The following RIMS1 variants were observed in gnomAD, a reference collection of about 807,000 sequenced individuals.
RIMS1 encodes regulating synaptic membrane exocytosis 1, also known as regulating synaptic membrane exocytosis protein 1.
In RIMS1, 83 loss-of-function variants were observed where a neutral mutation model predicts 214.1. That is an observed-to-expected ratio of 0.39 (90% CI 0.32 to 0.47). The LOEUF (loss-of-function observed/expected upper bound fraction) is 0.47. RIMS1 is among the 20% of genes least tolerant of loss of function. The pLI, the probability that RIMS1 is intolerant of heterozygous loss-of-function variation, is 0.99. For missense variants in RIMS1, 2,050 were observed against 2,161.8 expected (o/e 0.95, Z 1.03); for synonymous variants, 793 against 786.8 (o/e 1.01, Z -0.13).
chr6:71,957,136 G>A (rs1463803399), intron 1 of RIMS1, among the ~76,000 whole-genome samples: 1 of 151,642 alleles, frequency 6.6e-6, no homozygotes, highest in East Asian at 2.0e-4. Flanking sequence ...TTTTAAGAAA[G>A]TTATTAACCA....
intron 4 of RIMS1, among the ~76,000 whole-genome samples, chr6:72,150,831 C>T (rs2043454008): frequency 6.6e-6 from 1 of 152,106 alleles, no homozygotes; most frequent in African/African-American, 2.4e-5. Flanking sequence ...GACATCTGCT[C>T]TAAGGTGAAG....
chr6:71,995,451 C>CATGT (rs1803094805), intron 2 of RIMS1, among the ~76,000 whole-genome samples: 1 of 144,400 alleles, frequency 6.9e-6, no homozygotes, highest in African/African-American at 2.6e-5. Context: ...TGTAATATGA[C>CATGT]GTGTGTGTGT....
intron 12 of RIMS1, among the ~76,000 whole-genome samples, chr6:72,249,419 T>G (rs1250200532): frequency 6.6e-6 from 1 of 152,176 alleles, no homozygotes; most frequent in Non-Finnish European, 1.5e-5. Flanking sequence ...TCTTGTAGTT[T>G]GAAGATGTCA....
chr6:72,292,985 G>T (rs1012970978), intron 26 of RIMS1, among the ~76,000 whole-genome samples: 1 of 151,972 alleles, frequency 6.6e-6, no homozygotes, highest in African/African-American at 2.4e-5. Flanking sequence ...GGGTACGGGG[G>T]TACATGTTTT....
intron 29 of RIMS1, among the ~76,000 whole-genome samples, chr6:72,345,489 G>C (rs1332350016): frequency 6.6e-6 from 1 of 151,642 alleles, no homozygotes; most frequent in Non-Finnish European, 1.5e-5. Flanking sequence ...CATTTTACAG[G>C]TTCCATGACT....
At chr6:72,044,076 A>C (rs556878089) in intron 2 of RIMS1, among the ~76,000 whole-genome samples, 8 of 151,698 alleles carry the variant, frequency 5.3e-5, no homozygotes, top group Non-Finnish European at 1.0e-4. Flanking sequence ...GAAATCAGTA[A>C]ATGTTTAAAA....
intron 31 of RIMS1, among the ~76,000 whole-genome samples, chr6:72,393,927 GC>G (rs1269773035): frequency 1.3e-5 from 2 of 151,648 alleles, no homozygotes; most frequent in East Asian, 3.9e-4. Context: ...CCCAAGCAAG[GC>G]CTCAAATCAT....
chr6:72,182,814 G>A lies in RIMS1; in HGVS notation c.1343G>A (p.Ser448Asn). The A allele has an allele frequency of 6.5e-7, 1 of 1,548,644 alleles. No individual in the cohort carries two copies. Residue 448 changes from serine (S) to asparagine (N), a missense_variant, in exon 6 of 34, where the codon AGC becomes AAC. Around this residue, in one of 6 missense-constraint regions of RIMS1, gnomAD observed 882 missense variants for 828.9 expected, o/e 1.06. Coordinates refer to ENST00000521978, the MANE Select transcript of RIMS1 (RefSeq NM_014989.7). ...GGCGCCAAGCAGCTAACGAACCACA[G>A]CCCGCCGGCGCCCAGACATGGGCCG... ...APGAKQLTNH[S>N]PPAPRHGPVP...
chr6:71,942,875 A>G (rs1433469292), intron 1 of RIMS1, among the ~76,000 whole-genome samples: 1 of 152,060 alleles, frequency 6.6e-6, no homozygotes. Context: ...TAAGTGAAAA[A>G]TGTGTACAAA....
intron 28 of RIMS1, chr6:72,316,555 G>A: frequency 2.6e-6 from 1 of 389,214 alleles, no homozygotes. Flanking sequence ...AGAAGCTGGG[G>A]ATGGGAGGTG....
At chr6:72,004,585 C>G (rs1044383154) in intron 2 of RIMS1, among the ~76,000 whole-genome samples, 45 of 152,088 alleles carry the variant, frequency 3.0e-4, no homozygotes, top group African/African-American at 9.6e-4. Flanking sequence ...GATGGTATCT[C>G]ATTGTGGTTT....
rs757736918 is a variant in RIMS1, at chr6:72,217,256, A to G, written c.1679-16517A>G. The G allele has an allele frequency of 3.3e-6, 5 of 1,520,864 alleles. No homozygotes were observed. In the African/African-American group the frequency reaches 5.5e-5, roughly 17 times the overall value. The allele number at this position is 1,520,864 out of a possible 1,614,324, so 94.2% of individuals were successfully genotyped here. A position where few individuals can be genotyped will look rare whatever the true frequency, so the allele number is the denominator to read the frequency against. Reference sequence around the variant, plus strand: ...CACTCAGGAACAGGTAAACTAAATTATATTAATCTATGGATAAATGTAAAG... The same window carrying G: ...CACTCAGGAACAGGTAAACTAAATTGTATTAATCTATGGATAAATGTAAAG... On this transcript the variant is annotated intron_variant, in intron 6 of 33. Coordinates refer to ENST00000521978, the MANE Select transcript of RIMS1 (RefSeq NM_014989.7).
At chr6:71,956,405 C>T (rs952877036) in intron 1 of RIMS1, among the ~76,000 whole-genome samples, 4 of 152,020 alleles carry the variant, frequency 2.6e-5, no homozygotes, top group Non-Finnish European at 5.9e-5. Flanking sequence ...AACATGTTTA[C>T]TATGTAAACA....
rs2073355390 is a variant in RIMS1 at position 72,251,604 on chromosome 6, T to C, written c.2698+236T>C. On this transcript the variant is annotated intron_variant, in intron 15 of 33. Coordinates refer to ENST00000521978, the MANE Select transcript of RIMS1 (RefSeq NM_014989.7). ...CAAGCCAAAAACCTCTGAATTAAAA[T>C]TCTTGCACAGGGCCAATTGAGCTGT... Among the ~76,000 whole-genome samples, 4 of 152,182 alleles carry C rather than the reference T, an allele frequency of 2.6e-5. No homozygotes were observed. The South Asian group carries it at 8.3e-4, about 31-fold the overall frequency.
At chr6:71,988,819 A>G (rs910719620) in intron 2 of RIMS1, among the ~76,000 whole-genome samples, 4 of 152,210 alleles carry the variant, frequency 2.6e-5, no homozygotes, top group African/African-American at 9.6e-5. Context: ...ATTAGAAAAC[A>G]TAGGAATGGG....
intron 4 of RIMS1, among the ~76,000 whole-genome samples, chr6:72,152,281 A>G (rs2043717903): frequency 6.6e-6 from 1 of 152,198 alleles, no homozygotes; most frequent in Non-Finnish European, 1.5e-5. Flanking sequence ...TGCAAATGCT[A>G]ATTTAACTCT....
intron 2 of RIMS1, among the ~76,000 whole-genome samples, chr6:71,977,792 C>T (rs572436149): frequency 9.2e-5 from 14 of 152,196 alleles, no homozygotes; most frequent in African/African-American, 3.4e-4. Flanking sequence ...CCAGAGAAAG[C>T]AAGTGAGTAG....
chr6:71,953,180 G>T (rs2151154924), intron 1 of RIMS1, among the ~76,000 whole-genome samples: 1 of 152,016 alleles, frequency 6.6e-6, no homozygotes, highest in Non-Finnish European at 1.5e-5. Context: ...GTAGAGACTG[G>T]TTTTCCCTAT....
rs1782568465 is a variant in RIMS1, at chr6:71,929,903, GA to G, written c.165-39078del. Among the ~76,000 whole-genome samples the G allele has an allele frequency of 2.0e-5, 3 of 151,600 alleles. No individual in the cohort carries two copies. In the South Asian group the frequency reaches 6.2e-4, roughly 32 times the overall value. On this transcript the variant is annotated intron_variant, in intron 1 of 33. Transcript: ENST00000521978. ...CCAATTGCTGAGAAAAAAAAAACCA[GA>G]ATATTTCAGTCTAGTTTTGAGAACT...
Sources: gnomAD v4.1 joint callset for allele counts (sites outside exome capture counted in the v4.1 genomes callset) on GRCh38, gnomAD v4.1.1 for gene constraint, gnomAD v4.1.1 regional missense constraint, MANE v1.5 for transcripts, NCBI Gene and HGNC (gene_info 2026-07-23, HGNC 2026-07-21) for gene names.